CDKL4: variants seen among roughly 807,000 people sequenced by gnomAD.
CDKL4 encodes cyclin dependent kinase like 4.
CDKL4 carries 44 observed loss-of-function variants against 42.0 expected under a neutral mutation model. The ratio of observed to expected loss-of-function variants is 1.05; its 90% CI spans 0.82 to 1.35. CDKL4 has a LOEUF of 1.35. Ranked by LOEUF, CDKL4 falls within the 40% of genes most tolerant of loss-of-function variation. The pLI, the probability that CDKL4 is intolerant of heterozygous loss-of-function variation, is 0.00. For synonymous variants in CDKL4, 120 were observed against 121.6 expected, an observed-to-expected ratio of 0.99 and a Z score of 0.09; for missense variants, 393 against 369.9, an observed-to-expected ratio of 1.06 and a Z score of -0.51.
At position 39,225,867 on chromosome 2, in the gene CDKL4, A is replaced by C. The variant is rs939884407; in HGVS notation, c.262T>G (p.Leu88Val). The change falls in exon 3 of 10, where the codon TTA becomes GTA. Residue 88 changes from leucine (L) to valine (V), a missense_variant. By Grantham distance (32) the Leu-to-Val change is conservative (BLOSUM62 1). Transcript: ENST00000451199. ...TTTGGGTTTCTTTCCAGCTCATTTA[A>C]AAGTGTATGATCACAGTATTCAAAA... The C allele has an allele frequency of 4.4e-6, 7 of 1,606,248 alleles. No homozygotes were observed. The Admixed American group carries it at 8.5e-5, about 20-fold the overall frequency.
At chr2:39,172,323 A>G (rs1408031405), downstream of CDKL4, among the ~76,000 whole-genome samples, 3 of 151,762 alleles carry the variant, frequency 2.0e-5, no homozygotes, top group Admixed American at 1.3e-4. Context: ...CCGCTCCGAA[A>G]AAAAAAAAAG....
At chr2:39,210,451 G>C (rs1677523509) in intron 4 of CDKL4, among the ~76,000 whole-genome samples, 1 of 152,170 alleles carries the variant, frequency 6.6e-6, no homozygotes. Flanking sequence ...GTCACAATCA[G>C]TTAGGCAGTT....
At chr2:39,190,100 C>A (rs929712663) in intron 6 of CDKL4, among the ~76,000 whole-genome samples, 1 of 152,156 alleles carries the variant, frequency 6.6e-6, no homozygotes, top group Non-Finnish European at 1.5e-5. Context: ...TCTGAGAGCT[C>A]CCTGAGAGGA....
At chr2:39,224,633 A>G (rs1678581743) in intron 3 of CDKL4, among the ~76,000 whole-genome samples, 1 of 151,142 alleles carries the variant, frequency 6.6e-6, no homozygotes, top group African/African-American at 2.4e-5. Flanking sequence ...CCTCCCGAGT[A>G]GCTGGGACTA....
intron 8 of CDKL4, among the ~76,000 whole-genome samples, chr2:39,182,050 T>C (rs1184033693): frequency 1.3e-5 from 2 of 152,190 alleles, no homozygotes; most frequent in East Asian, 1.9e-4. Context: ...GGCATAATCA[T>C]GGCTCACTGC....
At chr2:39,235,065 T>C (rs1473138686) in intron 1 of CDKL4, among the ~76,000 whole-genome samples, 1 of 152,012 alleles carries the variant, frequency 6.6e-6, no homozygotes, top group Non-Finnish European at 1.5e-5. Context: ...TTTGTAAAGA[T>C]GGGGTCTTGG....
At chr2:39,228,915 T>C (rs1364882384) in intron 2 of CDKL4, among the ~76,000 whole-genome samples, 5 of 152,196 alleles carry the variant, frequency 3.3e-5, no homozygotes, top group Admixed American at 3.3e-4. Context: ...CCGGGGGTGC[T>C]ATTCAGTATG....
intron 3 of CDKL4, 89 bp from the exon 4 acceptor site, chr2:39,213,561 C>T: frequency 1.3e-6 from 1 of 779,268 alleles, no homozygotes; most frequent in South Asian, 1.7e-5. Flanking sequence ...TGGTGAGGGA[C>T]TGTCCTCTTC....
upstream of CDKL4, among the ~76,000 whole-genome samples, chr2:39,246,437 CATG>C (rs1679916721): frequency 6.6e-6 from 1 of 152,226 alleles, no homozygotes; most frequent in African/African-American, 2.4e-5. Context: ...TTTATATCTT[CATG>C]ATACTTGCTC....
chr2:39,198,942 A>C (rs1676682091), intron 5 of CDKL4, among the ~76,000 whole-genome samples: 1 of 152,048 alleles, frequency 6.6e-6, no homozygotes, highest in Non-Finnish European at 1.5e-5. Flanking sequence ...GAAAGAGGAA[A>C]AAAACAAACG....
intron 2 of CDKL4, among the ~76,000 whole-genome samples, chr2:39,227,692 CCGCTGCAAAACCACAG>C (rs1483695759): frequency 1.3e-5 from 2 of 152,188 alleles, no homozygotes; most frequent in Non-Finnish European, 2.9e-5. Context: ...TGGCTTTGTG[CCGCTGCAAAACCACAG>C]TATGGAAGCA....
chr2:39,175,400 T>A (rs1316720298), downstream of CDKL4, among the ~76,000 whole-genome samples: 1 of 152,228 alleles, frequency 6.6e-6, no homozygotes, highest in Non-Finnish European at 1.5e-5. Flanking sequence ...TTTCTCTAGC[T>A]AGCTTTAAAA....
intron 7 of CDKL4, among the ~76,000 whole-genome samples, chr2:39,185,270 A>G (rs1410580767): frequency 1.2e-5 from 1 of 81,488 alleles, no homozygotes; most frequent in Non-Finnish European, 2.5e-5. Flanking sequence ...ATATACATAT[A>G]TATACACATA....
chr2:39,240,267 A>G (rs1573038436), intron 1 of CDKL4, among the ~76,000 whole-genome samples: 1 of 61,594 alleles, frequency 1.6e-5, no homozygotes, highest in Non-Finnish European at 5.5e-5. Context: ...ATAAAATAAA[A>G]TAAAATAAAT....
intron 5 of CDKL4, among the ~76,000 whole-genome samples, chr2:39,199,218 T>G (rs1249183711): frequency 3.3e-5 from 5 of 151,940 alleles, no homozygotes; most frequent in Non-Finnish European, 7.4e-5. Context: ...TACCTTTACG[T>G]GCATAAACTA....
At chr2:39,230,040 G>A (rs1679000692) in intron 1 of CDKL4, among the ~76,000 whole-genome samples, 1 of 152,228 alleles carries the variant, frequency 6.6e-6, no homozygotes, top group Non-Finnish European at 1.5e-5. Context: ...ACTTCCACCT[G>A]GTGGAGAGAA....
intron 4 of CDKL4, among the ~76,000 whole-genome samples, chr2:39,210,692 G>T (rs1356109296): frequency 6.6e-6 from 1 of 152,112 alleles, no homozygotes; most frequent in African/African-American, 2.4e-5. Flanking sequence ...GGTATTTTTA[G>T]AAATCATTTT....
At chr2:39,169,696 G>A in the CDKL4 span, among the ~76,000 whole-genome samples, 2 of 152,196 alleles carry the variant, frequency 1.3e-5, no homozygotes, top group African/African-American at 4.8e-5. Context: ...TAAATGTTGT[G>A]TCAAGGATAC....
exon 9 of CDKL4, chr2:39,179,248 A>T (rs1329638557): frequency 1.2e-6 from 2 of 1,613,702 alleles, no homozygotes; most frequent in East Asian, 4.5e-5. Context: ...GGCCTCTTGA[A>T]AAGAATCAAA....
Sources: gnomAD v4.1 joint callset for allele counts (sites outside exome capture counted in the v4.1 genomes callset) on GRCh38, gnomAD v4.1.1 for gene constraint, MANE v1.5 for transcripts, NCBI Gene and HGNC (gene_info 2026-07-23, HGNC 2026-07-21) for gene names.